The following UBE2K variants were observed in gnomAD, a reference collection of about 807,000 sequenced individuals.
UBE2K encodes the protein ubiquitin-conjugating enzyme E2 K.
A neutral mutation model predicts 30.0 loss-of-function variants in UBE2K; 6 were observed. That is an observed-to-expected ratio of 0.20 (90% CI 0.11 to 0.39). The LOEUF is 0.39. Among genes scored for constraint, UBE2K ranks in the 10% least tolerant of loss-of-function variants. The pLI, the probability that UBE2K is intolerant of heterozygous loss-of-function variation, is 1.00. For missense variants in UBE2K, 61 were observed against 241.6 expected (o/e 0.25, Z 4.96); for synonymous variants, 86 against 83.7 (o/e 1.03, Z -0.15).
At chr4:39,741,917 A>T (rs1720722574) in intron 2 of UBE2K, among the ~76,000 whole-genome samples, 1 of 152,180 alleles carries the variant, frequency 6.6e-6, no homozygotes, top group African/African-American at 2.4e-5. Context: ...AAACTATTAT[A>T]ATATGAATAA....
At chr4:39,713,098 A>T (rs614180) in intron 1 of UBE2K, among the ~76,000 whole-genome samples, 25,294 of 149,398 alleles carry the variant, frequency 0.17, 4,050 homozygotes, top group African/African-American at 0.43. Flanking sequence ...TCCTGACCTC[A>T]GGTGATCCGC....
At chr4:39,725,377 CAAAAAAAAAAAAAAA>C (rs56021137) in intron 1 of UBE2K, among the ~76,000 whole-genome samples, 6 of 69,294 alleles carry the variant, frequency 8.7e-5, no homozygotes, top group African/African-American at 3.0e-4. Flanking sequence ...GACCCTGTCT[CAAAAAAAAAAAAAAA>C]AAAAAAAAAA....
At position 39,702,759 on chromosome 4, in the gene UBE2K, CTT is replaced by C. The variant is rs539350456; in HGVS notation, c.63+4372_63+4373del. On this transcript the variant is annotated intron_variant, in intron 1 of 6. Transcript: ENST00000261427. ...TAGTTGTAAATCTCTAAAAGTAAGT[CTT>C]TTGATTTCTGTAGACCATGGATTTT... Among the ~76,000 whole-genome samples, 438 of 152,080 alleles carry C rather than the reference CTT, an allele frequency of 2.9e-3. 6 individuals carry two copies. The highest frequency in any genetic ancestry group is 0.01 in the African/African-American group (420 of 41,506).
intron 2 of UBE2K, among the ~76,000 whole-genome samples, chr4:39,739,631 GA>G (rs2109352384): frequency 6.6e-6 from 1 of 151,908 alleles, no homozygotes; most frequent in South Asian, 2.1e-4. Flanking sequence ...ATTTTTAGTA[GA>G]GGCGGGGTTT....
At chr4:39,774,806 TG>T in intron 4 of UBE2K, 27 bp from the exon 5 acceptor site, 1 of 1,410,468 alleles carries the variant, frequency 7.1e-7, no homozygotes, top group Admixed American at 2.3e-5. Flanking sequence ...CCCTCTTAAT[TG>T]GGATATTTTC....
chr4:39,747,561 A>G (rs1721044294), intron 3 of UBE2K, among the ~76,000 whole-genome samples: 3 of 152,314 alleles, frequency 2.0e-5, no homozygotes, highest in South Asian at 4.1e-4. Context: ...CATTATAAGT[A>G]TAGACCATAT....
chr4:39,717,929 G>A (rs575959671), intron 1 of UBE2K, among the ~76,000 whole-genome samples: 1 of 147,190 alleles, frequency 6.8e-6, no homozygotes, highest in East Asian at 1.9e-4. Context: ...TCGTGGTTTC[G>A]CTGGCTTCAG....
intron 1 of UBE2K, among the ~76,000 whole-genome samples, chr4:39,709,337 G>T (rs1386123221): frequency 6.6e-6 from 1 of 151,988 alleles, no homozygotes; most frequent in African/African-American, 2.4e-5. Context: ...GAGGGTTAAG[G>T]TACTTCTAAT....
chr4:39,750,739 A>G (rs1721212529), intron 3 of UBE2K, among the ~76,000 whole-genome samples: 1 of 150,990 alleles, frequency 6.6e-6, no homozygotes, highest in Non-Finnish European at 1.5e-5. Context: ...TTTTTTTACA[A>G]AATTTTTATT....
At chr4:39,764,226 G>A (rs1712158087) in intron 4 of UBE2K, among the ~76,000 whole-genome samples, 7 of 152,140 alleles carry the variant, frequency 4.6e-5, no homozygotes, top group Admixed American at 3.9e-4. Context: ...ATGGTGTTGC[G>A]TGCCTGTAGT....
At chr4:39,751,217 A>G (rs1350529467) in intron 3 of UBE2K, among the ~76,000 whole-genome samples, 1 of 152,122 alleles carries the variant, frequency 6.6e-6, no homozygotes, top group African/African-American at 2.4e-5. Context: ...TGCTAGGATT[A>G]TAGACATGAG....
chr4:39,758,442 C>T (rs192650892), intron 4 of UBE2K, among the ~76,000 whole-genome samples: 1 of 152,252 alleles, frequency 6.6e-6, no homozygotes, highest in East Asian at 1.9e-4. Flanking sequence ...CTTTAGAAGG[C>T]GGAAGTGGGC....
intron 1 of UBE2K, among the ~76,000 whole-genome samples, chr4:39,731,966 T>C (rs546786903): frequency 6.6e-6 from 1 of 152,332 alleles, no homozygotes; most frequent in African/African-American, 2.4e-5. Flanking sequence ...TTTGTCTTAT[T>C]TGAGATTTGG....
chr4:39,738,918 G>A (rs918759629), intron 2 of UBE2K, among the ~76,000 whole-genome samples: 2 of 152,044 alleles, frequency 1.3e-5, no homozygotes, highest in Non-Finnish European at 2.9e-5. Flanking sequence ...TAGGTGATCC[G>A]CCTGTCTTGG....
At chr4:39,735,427 C>G (rs1720324168) in intron 1 of UBE2K, among the ~76,000 whole-genome samples, 1 of 152,220 alleles carries the variant, frequency 6.6e-6, no homozygotes, top group South Asian at 2.1e-4. Flanking sequence ...GTCACCCAGG[C>G]TGGAGTGCAG....
intron 1 of UBE2K, among the ~76,000 whole-genome samples, chr4:39,718,145 G>T (rs1719205558): frequency 6.6e-6 from 1 of 152,104 alleles, no homozygotes; most frequent in South Asian, 2.1e-4. Context: ...CTGCTGATTG[G>T]TCCATTTTAC....
chr4:39,726,555 G>GT (rs11406192), intron 1 of UBE2K, among the ~76,000 whole-genome samples: 144,623 of 152,154 alleles, frequency 0.95, 68,785 homozygotes, highest in East Asian at 1. Context: ...CATGTGGCTA[G>GT]TTTGTCTGTC....
intron 1 of UBE2K, among the ~76,000 whole-genome samples, chr4:39,723,362 CTTTTTTTT>C (rs529806724): frequency 1.8e-5 from 2 of 108,374 alleles, no homozygotes; most frequent in African/African-American, 3.7e-5. Context: ...GCTGTCTTCT[CTTTTTTTT>C]TTTTTTTTTT....
intron 1 of UBE2K, among the ~76,000 whole-genome samples, chr4:39,703,795 G>A (rs1405749996): frequency 6.8e-6 from 1 of 147,574 alleles, no homozygotes; most frequent in African/African-American, 2.5e-5. Context: ...TGCAGTGAGC[G>A]AGATGGCACC....
Sources: gnomAD v4.1 joint callset for allele counts (sites outside exome capture counted in the v4.1 genomes callset) on GRCh38, gnomAD v4.1.1 for gene constraint, MANE v1.5 for transcripts, NCBI Gene and HGNC (gene_info 2026-07-23, HGNC 2026-07-21) for gene names.